Variants in EMC10 observed in about 807,000 individuals in gnomAD.
The protein encoded by EMC10 is UPF0510 protein INM02.
Under a neutral mutation model 32.2 loss-of-function variants are expected in EMC10, and 40 were observed. The ratio of observed to expected loss-of-function variants is 1.24; its 90% CI spans 0.96 to 1.61. The LOEUF is 1.61. Ranked by LOEUF, EMC10 falls within the 40% of genes most tolerant of loss-of-function variation. EMC10 has a pLI of 0.00. For synonymous variants in EMC10, 178 were observed against 158.4 expected, an observed-to-expected ratio of 1.12 and a Z score of -0.93; for missense variants, 402 against 357.7, an observed-to-expected ratio of 1.12 and a Z score of -1.00.
intron 6 of EMC10, 155 bp from the exon 7 acceptor site, chr19:50,481,994 C>T: frequency 6.2e-7 from 1 of 1,603,630 alleles, no homozygotes; most frequent in Non-Finnish European, 8.5e-7. Context: ...CTGGCCCTCC[C>T]TGACCTGTAG....
rs944085493 is a variant in EMC10 at position 50,490,270 on chromosome 19, G to C, written c.*8011G>C. Reference sequence around the variant, plus strand: ...GCTGGGATTACAGGGGCCCGCCATCGTGCCTGCTAATTTTTGTATTTTTTA... The same window carrying C: ...GCTGGGATTACAGGGGCCCGCCATCCTGCCTGCTAATTTTTGTATTTTTTA... On this transcript the variant is annotated 3_prime_UTR_variant, in exon 7 of 7. Coordinates refer to ENST00000334976, the MANE Select transcript of EMC10 (RefSeq NM_206538.4). 2 of 151,970 alleles carry C rather than the reference G, an allele frequency of 1.3e-5. No individual in the cohort carries two copies. Among genetic ancestry groups the C allele is most frequent in the Non-Finnish European group, 2.9e-5 (2 of 68,014 alleles). 9.4% of individuals were successfully genotyped at this position (151,970 alleles called of 1,614,324 possible). A position where few individuals can be genotyped will look rare whatever the true frequency, so the allele number is the denominator to read the frequency against.
rs1001890141 is a variant in EMC10 at position 50,487,332 on chromosome 19, T to C, written c.*5073T>C. 1 of 152,246 alleles carries C rather than the reference T, an allele frequency of 6.6e-6. No individual in the cohort carries two copies. The highest frequency in any genetic ancestry group is 1.5e-5 in the Non-Finnish European group (1 of 68,086). 9.4% of individuals were successfully genotyped at this position (152,246 alleles called of 1,614,324 possible). The stretch of plus-strand genomic sequence containing the variant: ...GATAGGAGGCCAGGGATCGGCAGAT[T>C]CAGGAGCCCACTCCTGGCCAACCCC... On this transcript the variant is annotated 3_prime_UTR_variant, in exon 7 of 7. Transcript: ENST00000334976.
chr19:50,476,526 C>G lies in EMC10; in HGVS notation c.-19C>G, dbSNP rs778057892. On this transcript the variant is annotated 5_prime_UTR_variant, in exon 1 of 7. Transcript: ENST00000334976. Reference sequence around the variant, plus strand: ...CTCTTGGCTCACAGCCGTCCCTTCGCTGGTGGGAAGAAGCCGAGATGGCGG... The same window carrying G: ...CTCTTGGCTCACAGCCGTCCCTTCGGTGGTGGGAAGAAGCCGAGATGGCGG... 1 of 1,569,940 alleles carries G rather than the reference C, an allele frequency of 6.4e-7. No individual in the cohort carries two copies. Among genetic ancestry groups the G allele is most frequent in the African/African-American group, 1.4e-5 (1 of 73,876 alleles).
intron 6 of EMC10, chr19:50,481,849 C>T: frequency 4.5e-6 from 7 of 1,562,426 alleles, no homozygotes; most frequent in Non-Finnish European, 6.0e-6. Context: ...CCTGCGCTCC[C>T]TCCCTCCCCA....
chr19:50,480,085 C>T lies in EMC10; in HGVS notation c.298-26C>T. On this transcript the variant is annotated intron_variant, in intron 3 of 6. Transcript: ENST00000334976. This position sits in a 1 kb window ranked among gnomAD's most constrained non-coding sequence, Gnocchi z 4.4. Reference sequence around the variant, plus strand: ...TCCAGGGCTGACACCATCCTTCTGACCAGCACCCTCTTCTCCCATCCCCAG... The same window carrying T: ...TCCAGGGCTGACACCATCCTTCTGATCAGCACCCTCTTCTCCCATCCCCAG... The T allele has an allele frequency of 6.3e-7, 1 of 1,574,914 alleles. No individual in the cohort carries two copies. The highest frequency in any genetic ancestry group is 1.2e-5 in the South Asian group (1 of 86,700).
chr19:50,476,561 C>T lies in EMC10; in HGVS notation c.17C>T (p.Ala6Val), dbSNP rs765134145. Reference sequence around the variant, plus strand: ...GAAGCCGAGATGGCGGCAGCCAGCGCTGGGGCAACCCGGCTGCTCCTGCTC... The same window carrying T: ...GAAGCCGAGATGGCGGCAGCCAGCGTTGGGGCAACCCGGCTGCTCCTGCTC... Reference protein sequence around the residue: MAAASAGATRLLLLLL... With the variant: MAAASVGATRLLLLLL... Residue 6 changes from alanine to valine, a missense_variant, in exon 1 of 7, where the codon GCT becomes GTT. By Grantham distance (64) the Ala-to-Val change is moderately conservative. Coordinates refer to ENST00000334976, the MANE Select transcript of EMC10 (RefSeq NM_206538.4). 3 of 1,575,200 alleles carry T rather than the reference C, an allele frequency of 1.9e-6. No homozygotes were observed. Among genetic ancestry groups the T allele is most frequent in the Middle Eastern group, 2.3e-4 (1 of 4,404 alleles).
In EMC10 at chr19:50,480,849, G is replaced by C. The variant is rs1174432463; in HGVS notation, c.585-35G>C. 9 of 1,578,676 alleles carry C rather than the reference G, an allele frequency of 5.7e-6. No individual in the cohort carries two copies. Among genetic ancestry groups the C allele is most frequent in the Non-Finnish European group, 7.8e-6 (9 of 1,159,402 alleles). ...AGGGTCTCCAGGTCCCTGGACTCCG[G>C]GCCTCACCCTTCTCCTCCTCTCCCC... On this transcript the variant is annotated intron_variant, in intron 5 of 6. Coordinates refer to ENST00000334976, the MANE Select transcript of EMC10 (RefSeq NM_206538.4). This position sits in a 1 kb window ranked among gnomAD's most constrained non-coding sequence, Gnocchi z 4.4.
At position 50,489,039 on chromosome 19, in the gene EMC10, G is replaced by A. The variant is rs956930981; in HGVS notation, c.*6780G>A. 6.8e-6 allele frequency: 1 copy of A among 146,840 alleles called. No individual in the cohort carries two copies. The highest frequency in any genetic ancestry group is 1.5e-5 in the Non-Finnish European group (1 of 67,828). The allele number at this position is 146,840 out of a possible 1,614,324, so 9.1% of individuals were successfully genotyped here. A position where few individuals can be genotyped will look rare whatever the true frequency, so the allele number is the denominator to read the frequency against. ...GGAGAGAGAAAGAGGGAGGGAAGGA[G>A]GGTAGGAGAGGGCTGGAGATAGGGG... On this transcript the variant is annotated 3_prime_UTR_variant, in exon 7 of 7. Transcript: ENST00000334976.
At chr19:50,479,529 T>A (rs1257885804) in intron 3 of EMC10, among the ~76,000 whole-genome samples, 2 of 152,212 alleles carry the variant, frequency 1.3e-5, no homozygotes, top group African/African-American at 4.8e-5. Context: ...GCCCCAGGGC[T>A]CCAGGCAGCA....
In EMC10 at chr19:50,482,785, C is replaced by T; in HGVS notation, c.*526C>T. On this transcript the variant is annotated 3_prime_UTR_variant, in exon 7 of 7. Transcript: ENST00000334976. ...GTACCCTGGGTCCCCTCATCAGGGG[C>T]AGAGGCATGAAAGAGTCGGGGCTGG... The T allele has an allele frequency of 2.0e-6, 1 of 507,148 alleles. No individual in the cohort carries two copies. Among genetic ancestry groups the T allele is most frequent in the Non-Finnish European group, 3.5e-6 (1 of 288,378 alleles). The allele number at this position is 507,148 out of a possible 1,614,324, so 31.4% of individuals were successfully genotyped here.
chr19:50,478,084 G>T, intron 2 of EMC10, 83 bp downstream of exon 2: 1 of 1,154,868 alleles, frequency 8.7e-7, no homozygotes, highest in Non-Finnish European at 1.2e-6. Context: ...GCCTCCCGTC[G>T]TATGACATTT....
rs533010116 is a variant in EMC10 at position 50,485,866 on chromosome 19, A to G, written c.*3607A>G. 3.3e-5 allele frequency: 5 copies of G among 151,694 alleles called. No homozygotes were observed. Among genetic ancestry groups the G allele is most frequent in the African/African-American group, 1.2e-4 (5 of 41,272 alleles). 9.4% of individuals were successfully genotyped at this position (151,694 alleles called of 1,614,324 possible). A position where few individuals can be genotyped will look rare whatever the true frequency, so the allele number is the denominator to read the frequency against. ...TGTCCACTGTCCTGACCCTAACTCA[A>G]TCCTCATTCTCTGCCTCCTGGACCC... On this transcript the variant is annotated 3_prime_UTR_variant, in exon 7 of 7. Transcript: ENST00000334976.
intron 2 of EMC10, among the ~76,000 whole-genome samples, 154 bp from the exon 3 acceptor site, chr19:50,478,803 A>G (rs3817541): frequency 0.034 from 5,232 of 152,046 alleles, 239 homozygotes; most frequent in East Asian, 0.12. Flanking sequence ...AGGTGTCCCC[A>G]CTTTGCAGAT....
chr19:50,480,895 C>T lies in EMC10; in HGVS notation c.596C>T (p.Ala199Val), dbSNP rs373717670. The T allele has an allele frequency of 1.6e-5, 26 of 1,607,500 alleles. No homozygotes were observed. The highest frequency in any genetic ancestry group is 2.2e-5 in the East Asian group (1 of 44,686). Residue 199 changes from alanine (A) to valine (V), a missense_variant, in exon 6 of 7, where the codon GCG (alanine) becomes GTG (valine). By Grantham distance (64) the Ala-to-Val change is moderately conservative (BLOSUM62 0). Transcript: ENST00000334976. The surrounding 1 kb of genome is among the most constrained non-coding windows in gnomAD (Gnocchi z 4.4). Reference protein sequence around the residue: ...PPTTAPGPETAAFIERLEMEQ... With the variant: ...PPTTAPGPETVAFIERLEMEQ... ...TCCCCTTGCCCCAGCCCTGAGACGG[C>T]GGCCTTCATTGAGCGCCTGGAGATG...
At chr19:50,476,768 A>C in intron 1 of EMC10, 110 bp downstream of exon 1, 1 of 692,658 alleles carries the variant, frequency 1.4e-6, no homozygotes, top group Middle Eastern at 4.2e-4. Context: ...GAGAGGGAAG[A>C]GGTGGGAGAT....
chr19:50,482,434 C>G lies in EMC10; in HGVS notation c.*175C>G, dbSNP rs1207112296. On this transcript the variant is annotated 3_prime_UTR_variant, in exon 7 of 7. Coordinates refer to ENST00000334976, the MANE Select transcript of EMC10 (RefSeq NM_206538.4). ...CTGCCTTCTGCTGGCAGAGGAGCAGCTGGACTGGGGCCTTTGGCACAGCAG... is the reference window on the plus strand; with the variant it reads ...CTGCCTTCTGCTGGCAGAGGAGCAGGTGGACTGGGGCCTTTGGCACAGCAG... The G allele has an allele frequency of 1.7e-6, 1 of 583,288 alleles. No homozygotes were observed. Among genetic ancestry groups the G allele is most frequent in the Admixed American group, 3.1e-5 (1 of 31,824 alleles). The allele number at this position is 583,288 out of a possible 1,614,324, so 36.1% of individuals were successfully genotyped here.
intron 3 of EMC10, 152 bp downstream of exon 3, chr19:50,479,218 A>G: frequency 1.6e-6 from 1 of 637,318 alleles, no homozygotes; most frequent in Non-Finnish European, 2.7e-6. Flanking sequence ...GTCCTCAATG[A>G]CTGCCCCTGG....
rs1029313385 is a variant in EMC10 at position 50,486,135 on chromosome 19, T to TTA, written c.*3877_*3878dup. On this transcript the variant is annotated 3_prime_UTR_variant, in exon 7 of 7. Transcript: ENST00000334976. Reference sequence around the variant, plus strand: ...TACATTTAGTATTTTGTAAAATTCTTTACTAACCCCAAATTGTCTACTGGA... The same window carrying TTA: ...TACATTTAGTATTTTGTAAAATTCTTTATACTAACCCCAAATTGTCTACTGGA... 4.6e-5 allele frequency: 7 copies of TTA among 152,168 alleles called. No homozygotes were observed. Among genetic ancestry groups the TTA allele is most frequent in the African/African-American group, 1.7e-4 (7 of 41,432 alleles). The allele number at this position is 152,168 out of a possible 1,614,324, so 9.4% of individuals were successfully genotyped here. A position where few individuals can be genotyped will look rare whatever the true frequency, so the allele number is the denominator to read the frequency against.
rs1212830472 is a variant in EMC10 at position 50,480,908 on chromosome 19, G to A, written c.609G>A (p.Glu203=). ...APGPETAAFI[E]RLEMEQAQKA... is the part of the protein sequence containing the mutation. ...GCCCTGAGACGGCGGCCTTCATTGA[G>A]CGCCTGGAGATGGAACAGGCCCAGA... Residue 203 remains glutamate, a synonymous_variant, in exon 6 of 7, where the codon GAG becomes GAA. Transcript: ENST00000334976. The surrounding 1 kb of genome is among the most constrained non-coding windows in gnomAD (Gnocchi z 4.4). 3 of 1,611,094 alleles carry A rather than the reference G, an allele frequency of 1.9e-6. No homozygotes were observed. The highest frequency in any genetic ancestry group is 2.7e-5 in the African/African-American group (2 of 74,876).
Sources: allele counts gnomAD v4.1 joint callset (sites outside exome capture counted in the v4.1 genomes callset), GRCh38; gene constraint gnomAD v4.1.1; non-coding constraint Gnocchi (gnomAD v3.1); transcripts MANE v1.5; gene names NCBI Gene and HGNC (gene_info 2026-07-23, HGNC 2026-07-21).